The following BEND4 variants were observed in gnomAD, a reference collection of about 807,000 sequenced individuals.
BEND4 encodes BEN domain containing 4, also known as BEN domain-containing protein 4.
A neutral mutation model predicts 54.7 loss-of-function variants in BEND4; 27 were observed. That is an observed-to-expected ratio of 0.49 (90% CI 0.36 to 0.68). The LOEUF (loss-of-function observed/expected upper bound fraction) is 0.68, where lower values mean the gene tolerates loss of function less well. Among genes scored for constraint, BEND4 ranks in the 30% least tolerant of loss-of-function variants. The pLI, the probability that BEND4 is intolerant of heterozygous loss-of-function variation, is 0.00. For missense variants in BEND4, 702 were observed against 697.2 expected, an observed-to-expected ratio of 1.01 and a Z score of -0.08; for synonymous variants, 327 against 299.5, an observed-to-expected ratio of 1.09 and a Z score of -0.95.
chr4:42,151,050 G>A (rs1335311132), intron 2 of BEND4: 1 of 152,166 alleles, frequency 6.6e-6, no homozygotes, highest in African/African-American at 2.4e-5. Context: ...GGGTGGGAAG[G>A]AAAAGGGACA....
Position 42,120,314 on chromosome 4 carries a change from T to C in BEND4, c.1147-20A>G, listed in dbSNP as rs1221436471. 3 of 1,590,406 alleles carry C rather than the reference T, an allele frequency of 1.9e-6. No homozygotes were observed. The highest frequency in any genetic ancestry group is 2.3e-5 in the East Asian group (1 of 44,194). On this transcript the variant is annotated intron_variant, in intron 4 of 5. Coordinates refer to ENST00000502486, the MANE Select transcript of BEND4 (RefSeq NM_207406.4). Reference sequence around the variant, plus strand: ...GCTTCCCTGGAAAAGCGAAATATTTTCTCATTACCCACCGAGCCAGCCAGC... The same window carrying C: ...GCTTCCCTGGAAAAGCGAAATATTTCCTCATTACCCACCGAGCCAGCCAGC...
At chr4:42,140,331 C>A (rs1172779234) in intron 3 of BEND4, among the ~76,000 whole-genome samples, 1 of 152,136 alleles carries the variant, frequency 6.6e-6, no homozygotes, top group Admixed American at 6.6e-5. Flanking sequence ...CTAATATTTT[C>A]TTCATTGTAT....
chr4:42,132,852 G>C (rs1577757033), intron 3 of BEND4, among the ~76,000 whole-genome samples: 1 of 152,166 alleles, frequency 6.6e-6, no homozygotes. Flanking sequence ...AAAGTCTGAT[G>C]AATCTAGTAG....
rs1428832345 is a variant in BEND4 at position 42,114,803 on chromosome 4, C to T, written c.*2715G>A. On this transcript the variant is annotated 3_prime_UTR_variant, in exon 6 of 6. Transcript: ENST00000502486. ...AAGAGGAGACCATGCAGACGACCAC[C>T]GTGAACTTACGTACATACCAGCCTT... The T allele has an allele frequency of 6.6e-6, 1 of 152,250 alleles. No individual in the cohort carries two copies. The highest frequency in any genetic ancestry group is 2.4e-5 in the African/African-American group (1 of 41,434). The allele number at this position is 152,250 out of a possible 1,614,324, so 9.4% of individuals were successfully genotyped here.
Position 42,152,173 on chromosome 4 carries a change from A to C in BEND4, c.-30T>G. 3 of 1,237,790 alleles carry C rather than the reference A, an allele frequency of 2.4e-6. No individual in the cohort carries two copies. The highest frequency in any genetic ancestry group is 3.1e-6 in the Non-Finnish European group (3 of 982,972). 76.7% of individuals were successfully genotyped at this position (1,237,790 alleles called of 1,614,324 possible). ...CGCCTCGGGGCCGGTCCCTCGGAGC[A>C]CGTCCCCTCCCCGCCGGGCGCCGGG... On this transcript the variant is annotated 5_prime_UTR_variant, in exon 2 of 6. Coordinates refer to ENST00000502486, the MANE Select transcript of BEND4 (RefSeq NM_207406.4).
intron 2 of BEND4, among the ~76,000 whole-genome samples, chr4:42,146,029 A>T (rs1311159923): frequency 6.6e-6 from 1 of 152,234 alleles, no homozygotes; most frequent in African/African-American, 2.4e-5. Context: ...TTTTCTTCTT[A>T]GAATAGTACT....
chr4:42,146,593 T>TC (rs397993124), intron 2 of BEND4, among the ~76,000 whole-genome samples: 1 of 150,738 alleles, frequency 6.6e-6, no homozygotes, highest in African/African-American at 2.5e-5. Flanking sequence ...CTCATTTTTT[T>TC]ACTTCCTGGT....
rs200419815 is a variant in BEND4, at chr4:42,145,560, C to T, written c.488-1566G>A. Among the ~76,000 whole-genome samples the T allele has an allele frequency of 9.2e-5, 14 of 151,912 alleles. No homozygotes were observed. In the East Asian group the frequency reaches 1.7e-3, roughly 19 times the overall value. ...TACAAAAATTAGCTGGACATGGTGG[C>T]GCGCACCTGTAGTCCCAGCTACTCG... On this transcript the variant is annotated intron_variant, in intron 2 of 5. Coordinates refer to ENST00000502486, the MANE Select transcript of BEND4 (RefSeq NM_207406.4).
In BEND4 at chr4:42,152,289, G is replaced by A; in HGVS notation, c.-146C>T. The A allele has an allele frequency of 5.1e-6, 4 of 777,578 alleles. No individual in the cohort carries two copies. Among genetic ancestry groups the A allele is most frequent in the Non-Finnish European group, 6.9e-6 (4 of 581,310 alleles). The allele number at this position is 777,578 out of a possible 1,614,324, so 48.2% of individuals were successfully genotyped here. On this transcript the variant is annotated 5_prime_UTR_variant, in exon 2 of 6. Transcript: ENST00000502486. ...TGTCTGTGCCGTGGCCGCCGCCGCC[G>A]CCGCCTGTCGCTGAGGCTGGCATCG... is the stretch of plus-strand genomic sequence containing the variant.
Position 42,114,762 on chromosome 4 carries a change from T to C in BEND4, c.*2756A>G, listed in dbSNP as rs1719729846. ...CAAAATACAAATGAACATCCTTTGT[T>C]GGTCCTGATTTAAACAAGAGGAGAC... On this transcript the variant is annotated 3_prime_UTR_variant, in exon 6 of 6. Coordinates refer to ENST00000502486, the MANE Select transcript of BEND4 (RefSeq NM_207406.4). 1 of 152,188 alleles carries C rather than the reference T, an allele frequency of 6.6e-6. No individual in the cohort carries two copies. The highest frequency in any genetic ancestry group is 6.5e-5 in the Admixed American group (1 of 15,280). 9.4% of individuals were successfully genotyped at this position (152,188 alleles called of 1,614,324 possible).
At chr4:42,132,502 T>C (rs1347414230) in intron 3 of BEND4, among the ~76,000 whole-genome samples, 1 of 152,182 alleles carries the variant, frequency 6.6e-6, no homozygotes, top group Non-Finnish European at 1.5e-5. Context: ...TGGAGTGCAA[T>C]GGTGTGACCT....
At position 42,112,588 on chromosome 4, in the gene BEND4, G is replaced by A. The variant is rs116858902; in HGVS notation, c.*4930C>T. 3.3e-4 allele frequency: 50 copies of A among 152,124 alleles called. No homozygotes were observed. In the East Asian group the frequency reaches 7.9e-3, roughly 24 times the overall value. 9.4% of individuals were successfully genotyped at this position (152,124 alleles called of 1,614,324 possible). On this transcript the variant is annotated 3_prime_UTR_variant, in exon 6 of 6. Transcript: ENST00000502486. ...AGAGAATTGTGAGGAAAATTAATCC[G>A]GTCCCCATTACTGCAAATACTTGGT...
chr4:42,125,834 G>A (rs1280012665), intron 3 of BEND4, among the ~76,000 whole-genome samples, 160 bp from the exon 4 acceptor site: 1 of 151,958 alleles, frequency 6.6e-6, no homozygotes, highest in Non-Finnish European at 1.5e-5. Context: ...GAACTCCCAG[G>A]CTCAAGTGAT....
At position 42,133,438 on chromosome 4, in the gene BEND4, A is replaced by G. The variant is rs549382351; in HGVS notation, c.1055-7764T>C. ...ATTAACTGACAAAAAAGCCTTGGAT[A>G]TTAGTCCTAAAGTAACTCTTGGATA... On this transcript the variant is annotated intron_variant, in intron 3 of 5. Transcript: ENST00000502486. Among the ~76,000 whole-genome samples, 9 of 152,370 alleles carry G rather than the reference A, an allele frequency of 5.9e-5. No individual in the cohort carries two copies. The East Asian group carries it at 1.5e-3, about 26-fold the overall frequency.
At chr4:42,130,952 A>C (rs1720485668) in intron 3 of BEND4, among the ~76,000 whole-genome samples, 1 of 152,222 alleles carries the variant, frequency 6.6e-6, no homozygotes, top group African/African-American at 2.4e-5. Flanking sequence ...TATCCTCAGC[A>C]AACTAATGCA....
chr4:42,142,201 C>T (rs190219531), intron 3 of BEND4, among the ~76,000 whole-genome samples: 1 of 151,542 alleles, frequency 6.6e-6, no homozygotes, highest in African/African-American at 2.4e-5. Context: ...CCACTGCGCC[C>T]GGCCTCAAGC....
At chr4:42,141,910 CA>C in intron 3 of BEND4, among the ~76,000 whole-genome samples, 1 of 151,950 alleles carries the variant, frequency 6.6e-6, no homozygotes, top group East Asian at 1.9e-4. Context: ...CAAGCTTAAA[CA>C]TTTTTTTTTT....
At chr4:42,141,007 A>G (rs1577763929) in intron 3 of BEND4, among the ~76,000 whole-genome samples, 1 of 151,784 alleles carries the variant, frequency 6.6e-6, no homozygotes, top group African/African-American at 2.4e-5. Flanking sequence ...CTGGTTACAC[A>G]GCTGTGAGAC....
At chr4:42,141,221 T>C (rs1720868608) in intron 3 of BEND4, among the ~76,000 whole-genome samples, 1 of 152,194 alleles carries the variant, frequency 6.6e-6, no homozygotes, top group Non-Finnish European at 1.5e-5. Context: ...CTGCACCTCT[T>C]ACTTCCTCCC....
Sources: gnomAD v4.1 joint callset for allele counts (sites outside exome capture counted in the v4.1 genomes callset) on GRCh38, gnomAD v4.1.1 for gene constraint, MANE v1.5 for transcripts, NCBI Gene and HGNC (gene_info 2026-07-23, HGNC 2026-07-21) for gene names.